Variants in PGM5 observed in about 807,000 individuals in gnomAD.
PGM5 encodes phosphoglucomutase 5, also known as phosphoglucomutase-like protein 5.
PGM5 carries 23 observed loss-of-function variants against 59.2 expected under a neutral mutation model. The ratio of observed to expected loss-of-function variants is 0.39; its 90% confidence interval spans 0.28 to 0.55. PGM5 has a LOEUF of 0.55. PGM5 is among the 20% of genes least tolerant of loss of function. PGM5 has a pLI of 0.66. For missense variants in PGM5, 574 were observed against 748.3 expected, an observed-to-expected ratio of 0.77 and a Z score of 2.72; for synonymous variants, 214 against 286.0, an observed-to-expected ratio of 0.75 and a Z score of 2.54.
chr9:68,471,775 C>T (rs1195181851), intron 7 of PGM5, among the ~76,000 whole-genome samples: 6 of 151,808 alleles, frequency 4.0e-5, no homozygotes, highest in South Asian at 2.1e-4. Flanking sequence ...AAAAATTAGC[C>T]GGATGTGGTG....
intron 10 of PGM5, among the ~76,000 whole-genome samples, chr9:68,510,158 T>A (rs1824725302): frequency 6.9e-6 from 1 of 144,528 alleles, no homozygotes; most frequent in African/African-American, 2.6e-5. Context: ...TTTTTTTTTT[T>A]TTTTTTTTTT....
At chr9:68,484,152 T>C in intron 9 of PGM5, 104 bp downstream of exon 9, 1 of 961,606 alleles carries the variant, frequency 1.0e-6, no homozygotes, top group Non-Finnish European at 1.6e-6. Flanking sequence ...TGACCTCATT[T>C]TATAGATGAG....
At chr9:68,501,144 G>C (rs897005678) in intron 10 of PGM5, among the ~76,000 whole-genome samples, 1 of 152,106 alleles carries the variant, frequency 6.6e-6, no homozygotes, top group African/African-American at 2.4e-5. Context: ...CTTCACTGAC[G>C]TTGCTGTTGG....
chr9:68,385,385 C>A (rs4111290), intron 3 of PGM5, among the ~76,000 whole-genome samples: 1 of 151,770 alleles, frequency 6.6e-6, no homozygotes, highest in Non-Finnish European at 1.5e-5. Flanking sequence ...TAACTTAGCC[C>A]AAAAGAGGAA....
In PGM5 at chr9:68,357,309, C is replaced by T; in HGVS notation, c.182C>T (p.Thr61Ile). ...GACCTGCGCGACCGTCAGGGCTGCA[C>T]CATGGTGGTGGGCAGCGACGGCAGG... ...SIDLRDRQGCTMVVGSDGRYF... is the reference protein window; with the variant it reads ...SIDLRDRQGCIMVVGSDGRYF... The change falls in exon 1 of 11, where the codon ACC (threonine) becomes ATC (isoleucine). Residue 61 changes from threonine to isoleucine, a missense_variant. Around this residue, in one of 7 missense-constraint regions of PGM5, gnomAD observed 61 missense variants for 133.3 expected, o/e 0.46. Coordinates refer to ENST00000396396, the MANE Select transcript of PGM5 (RefSeq NM_021965.4). The T allele has an allele frequency of 1.9e-6, 3 of 1,550,232 alleles. No homozygotes were observed. Among genetic ancestry groups the T allele is most frequent in the Non-Finnish European group, 1.7e-6 (2 of 1,149,222 alleles).
intron 10 of PGM5, among the ~76,000 whole-genome samples, chr9:68,503,965 G>A (rs1478323669): frequency 6.6e-6 from 1 of 152,194 alleles, no homozygotes; most frequent in Non-Finnish European, 1.5e-5. Flanking sequence ...CAGGTATGAG[G>A]AGGGCCAGAG....
chr9:68,379,688 G>T (rs545271975), intron 2 of PGM5, among the ~76,000 whole-genome samples: 1 of 152,062 alleles, frequency 6.6e-6, no homozygotes, highest in Middle Eastern at 3.2e-3. Flanking sequence ...GATCCAACTA[G>T]ATGCTGCCTA....
rs782678833 is a variant in PGM5 at position 68,357,124 on chromosome 9, C to A, written c.-4C>A. On this transcript the variant is annotated 5_prime_UTR_variant, in exon 1 of 11. Coordinates refer to ENST00000396396, the MANE Select transcript of PGM5 (RefSeq NM_021965.4). The stretch of plus-strand genomic sequence containing the variant: ...AGCCGCAGCAGGACCGGCCAGGAGG[C>A]GCCATGGAGGGGAGCCCCATCCCGG... 24 of 1,513,504 alleles carry A rather than the reference C, an allele frequency of 1.6e-5. No individual in the cohort carries two copies. The highest frequency in any genetic ancestry group is 1.8e-6 in the Non-Finnish European group (2 of 1,135,410). 93.8% of individuals were successfully genotyped at this position (1,513,504 alleles called of 1,614,324 possible). A position where few individuals can be genotyped will look rare whatever the true frequency, so the allele number is the denominator to read the frequency against.
At chr9:68,481,795 A>T (rs1169698713) in intron 8 of PGM5, among the ~76,000 whole-genome samples, 1 of 152,252 alleles carries the variant, frequency 6.6e-6, no homozygotes, top group East Asian at 1.9e-4. Context: ...ATTTCTTTCC[A>T]AAAAGATCAC....
intron 8 of PGM5, among the ~76,000 whole-genome samples, chr9:68,482,573 C>T (rs532908772): frequency 6.6e-6 from 1 of 152,282 alleles, no homozygotes; most frequent in African/African-American, 2.4e-5. Flanking sequence ...AAAGTAGTAA[C>T]AACTATTCAG....
chr9:68,391,568 T>G lies in PGM5; in HGVS notation c.732T>G (p.Asp244Glu), dbSNP rs1554679447. The G allele has an allele frequency of 6.2e-7, 1 of 1,613,420 alleles. No homozygotes were observed. Among genetic ancestry groups the G allele is most frequent in the Non-Finnish European group, 8.5e-7 (1 of 1,179,522 alleles). Residue 244 changes from aspartate (D) to glutamate (E), a missense_variant, in exon 5 of 11, where the codon GAT becomes GAG. Physicochemically the swap from Asp to Glu is conservative, Grantham distance 45. Around this residue, in one of 7 missense-constraint regions of PGM5, gnomAD observed 8 missense variants for 28.2 expected, o/e 0.28. Coordinates refer to ENST00000396396, the MANE Select transcript of PGM5 (RefSeq NM_021965.4). Reference sequence around the variant, plus strand: ...CTTATGTGAGAAAAGTTCTGTGTGATGAGCTGGGGGCCCCAGCCAATTCTG... The same window carrying G: ...CTTATGTGAGAAAAGTTCTGTGTGAGGAGCTGGGGGCCCCAGCCAATTCTG... ...MGPYVRKVLC[D>E]ELGAPANSAI...
At chr9:68,362,770 T>C (rs1316312830) in intron 1 of PGM5, among the ~76,000 whole-genome samples, 1 of 152,124 alleles carries the variant, frequency 6.6e-6, no homozygotes, top group Non-Finnish European at 1.5e-5. Flanking sequence ...TTCTCTTCTT[T>C]GTTCTCTGCT....
chr9:68,525,268 A>G (rs1213433025), intron 10 of PGM5, among the ~76,000 whole-genome samples: 2 of 152,180 alleles, frequency 1.3e-5, no homozygotes, highest in African/African-American at 2.4e-5. Flanking sequence ...TTCATCAAAT[A>G]TATCATTCAT....
At chr9:68,384,962 A>G (rs1268936445) in intron 3 of PGM5, among the ~76,000 whole-genome samples, 1 of 151,918 alleles carries the variant, frequency 6.6e-6, no homozygotes, top group East Asian at 1.9e-4. Flanking sequence ...CCAAGCTTGG[A>G]ATAATTATGC....
rs114563267 is a variant in PGM5, at chr9:68,464,225, C to T, written c.1044-868C>T. ...TTGAGCAACATTGCACACTAGGTTC[C>T]CCAGGAAGCAGCTCTAAGAGATATT... On this transcript the variant is annotated intron_variant, in intron 6 of 10. Transcript: ENST00000396396. Among the ~76,000 whole-genome samples, 1,229 of 152,266 alleles carry T rather than the reference C, an allele frequency of 8.1e-3. 12 individuals carry two copies. The highest frequency in any genetic ancestry group is 0.029 in the African/African-American group (1,187 of 41,562).
At chr9:68,472,296 T>G (rs910526097) in intron 7 of PGM5, among the ~76,000 whole-genome samples, 18 of 152,216 alleles carry the variant, frequency 1.2e-4, no homozygotes, top group Non-Finnish European at 2.1e-4. Flanking sequence ...GGCTTCACAG[T>G]GTCTGCTGCT....
chr9:68,388,067 T>C (rs1435641797), intron 4 of PGM5, among the ~76,000 whole-genome samples: 1 of 144,394 alleles, frequency 6.9e-6, no homozygotes, highest in Non-Finnish European at 1.5e-5. Flanking sequence ...ACTGAATTCA[T>C]ACTACAGGAA....
intron 2 of PGM5, among the ~76,000 whole-genome samples, chr9:68,380,469 A>G (rs2131995735): frequency 6.6e-6 from 1 of 152,130 alleles, no homozygotes; most frequent in South Asian, 2.1e-4. Flanking sequence ...AGAAGTTTAT[A>G]GCAATAAATG....
At chr9:68,414,130 C>G (rs1367515831) in intron 6 of PGM5, among the ~76,000 whole-genome samples, 4 of 152,214 alleles carry the variant, frequency 2.6e-5, no homozygotes, top group Non-Finnish European at 4.4e-5. Flanking sequence ...TCTGCACATG[C>G]CAGCTCTCCT....
Sources: allele counts gnomAD v4.1 joint callset (sites outside exome capture counted in the v4.1 genomes callset), GRCh38; gene constraint gnomAD v4.1.1; regional missense constraint gnomAD v4.1.1; transcripts MANE v1.5; gene names NCBI Gene and HGNC (gene_info 2026-07-23, HGNC 2026-07-21).